Variants in TYW1B observed in about 807,000 individuals in gnomAD.
TYW1B encodes tRNA-yW synthesizing protein 1 homolog B.
TYW1B carries 73 observed loss-of-function variants against 86.9 expected under a neutral mutation model. That is an observed-to-expected ratio of 0.84 (90% CI 0.70 to 1.02). The LOEUF is 1.02. TYW1B is among the 50% of genes least tolerant of loss of function. TYW1B has a pLI of 0.00. For missense variants in TYW1B, 637 were observed against 827.4 expected (o/e 0.77, Z 2.82); for synonymous variants, 248 against 292.8 (o/e 0.85, Z 1.56).
rs782260099 is a variant in TYW1B at position 72,810,530 on chromosome 7, C to G, written c.373G>C (p.Gly125Arg). The G allele has an allele frequency of 1.1e-5, 18 of 1,613,766 alleles. No individual in the cohort carries two copies. Among genetic ancestry groups the G allele is most frequent in the Admixed American group, 1.7e-5 (1 of 59,976 alleles). ...DFRFGKTYLK[G>R]MRDAVFGLGN... ...AGGCCAAATACCGCATCTCTCATAC[C>G]CTTCAGGTAAGTTTTGCCAAATCGA... Residue 125 changes from glycine to arginine, a missense_variant, in exon 4 of 14, where the codon GGT becomes CGT. Transcript: ENST00000620995.
At chr7:72,635,974 G>A (rs1426770736) in intron 11 of TYW1B, among the ~76,000 whole-genome samples, 1 of 152,196 alleles carries the variant, frequency 6.6e-6, no homozygotes, top group Non-Finnish European at 1.5e-5. Context: ...GGGTAGCCAT[G>A]TTTCAAGTAC....
At chr7:72,745,369 G>A (rs1289985359) in intron 7 of TYW1B, among the ~76,000 whole-genome samples, 2 of 151,962 alleles carry the variant, frequency 1.3e-5, no homozygotes, top group Admixed American at 1.3e-4. Flanking sequence ...GCAAGCAGCA[G>A]GTATACAAGA....
chr7:72,747,399 C>G (rs1364390598), intron 7 of TYW1B, among the ~76,000 whole-genome samples: 1 of 152,296 alleles, frequency 6.6e-6, no homozygotes, highest in East Asian at 1.9e-4. Context: ...ACCTCTTTTT[C>G]TTCCCAGTCT....
At chr7:72,666,379 T>C (rs1335001759) in intron 11 of TYW1B, among the ~76,000 whole-genome samples, 1 of 152,094 alleles carries the variant, frequency 6.6e-6, no homozygotes, top group Admixed American at 6.6e-5. Flanking sequence ...TGAGCTGTGA[T>C]TGTGCAACTA....
At chr7:72,679,308 A>G (rs1309995383) in intron 11 of TYW1B, among the ~76,000 whole-genome samples, 3 of 152,210 alleles carry the variant, frequency 2.0e-5, no homozygotes, top group Non-Finnish European at 4.4e-5. Flanking sequence ...ATTATTGCAC[A>G]TGTGCACAAA....
chr7:72,692,382 G>A (rs1394235984), intron 11 of TYW1B, among the ~76,000 whole-genome samples: 2 of 152,008 alleles, frequency 1.3e-5, no homozygotes, highest in African/African-American at 4.8e-5. Context: ...AGGCATGGCA[G>A]CATGTGCCTG....
At chr7:72,813,742 C>G (rs1788667967) in intron 3 of TYW1B, among the ~76,000 whole-genome samples, 1 of 152,132 alleles carries the variant, frequency 6.6e-6, no homozygotes, top group Non-Finnish European at 1.5e-5. Context: ...CGCCCAGGCA[C>G]AGTGGCTCAT....
chr7:72,706,575 T>G (rs1437174133), intron 10 of TYW1B, among the ~76,000 whole-genome samples: 2 of 152,210 alleles, frequency 1.3e-5, no homozygotes, highest in African/African-American at 4.8e-5. Context: ...TCTGGGACTA[T>G]GTGGCCTCTC....
chr7:72,738,644 CTG>C lies in TYW1B; in HGVS notation c.1082+5838_1082+5839del, dbSNP rs558570749. Among the ~76,000 whole-genome samples, 104 of 152,276 alleles carry C rather than the reference CTG, an allele frequency of 6.8e-4. 1 individual carries two copies. Among genetic ancestry groups the C allele is most frequent in the Admixed American group, 5.4e-3 (82 of 15,286 alleles). On this transcript the variant is annotated intron_variant, in intron 8 of 13. Coordinates refer to ENST00000620995, the MANE Select transcript of TYW1B (RefSeq NM_001145440.3). Reference sequence around the variant, plus strand: ...AGACATTGTCAAATGTTCCAAATCTCTGTGTGGGACAAGAAATAGCAATTTTG... The same window carrying C: ...AGACATTGTCAAATGTTCCAAATCTCTGTGGGACAAGAAATAGCAATTTTG...
At chr7:72,729,964 C>T (rs748943908) in intron 8 of TYW1B, among the ~76,000 whole-genome samples, 8 of 152,114 alleles carry the variant, frequency 5.3e-5, no homozygotes, top group Non-Finnish European at 8.8e-5. Flanking sequence ...CCACAGGCAC[C>T]GATTATGGCC....
chr7:72,631,740 A>G (rs1812497487), intron 11 of TYW1B, among the ~76,000 whole-genome samples: 1 of 150,836 alleles, frequency 6.6e-6, no homozygotes, highest in South Asian at 2.1e-4. Flanking sequence ...TTACCAAAAA[A>G]TATATATATA....
At chr7:72,678,619 CTTT>C (rs56738372) in intron 11 of TYW1B, among the ~76,000 whole-genome samples, 3 of 110,432 alleles carry the variant, frequency 2.7e-5, no homozygotes, top group Non-Finnish European at 3.6e-5. Flanking sequence ...AATTCCAGCA[CTTT>C]TTTTTTTTTT....
At chr7:72,671,145 A>AT (rs1443038125) in intron 11 of TYW1B, among the ~76,000 whole-genome samples, 1 of 152,092 alleles carries the variant, frequency 6.6e-6, no homozygotes, top group African/African-American at 2.4e-5. Flanking sequence ...CTTATAGGCT[A>AT]TTTTTCCCCA....
chr7:72,826,766 C>T (rs1441930520), intron 2 of TYW1B, 89 bp downstream of exon 2: 3 of 1,497,080 alleles, frequency 2.0e-6, no homozygotes, highest in Middle Eastern at 1.8e-4. Context: ...AGACCAAACA[C>T]AAAAGTAATT....
At chr7:72,753,477 G>GC (rs1787534756) in intron 7 of TYW1B, among the ~76,000 whole-genome samples, 2 of 124,122 alleles carry the variant, frequency 1.6e-5, no homozygotes, top group Admixed American at 1.8e-4. Flanking sequence ...ATGATCATTA[G>GC]CAATTTTTTT....
chr7:72,711,236 C>CAAA (rs1786654712), intron 10 of TYW1B, among the ~76,000 whole-genome samples: 1 of 150,816 alleles, frequency 6.6e-6, no homozygotes, highest in Non-Finnish European at 1.5e-5. Flanking sequence ...ATGCCTGCCG[C>CAAA]GCAGAAAGAT....
intron 8 of TYW1B, among the ~76,000 whole-genome samples, chr7:72,729,272 C>T (rs1193385337): frequency 1.3e-5 from 2 of 152,162 alleles, no homozygotes; most frequent in Non-Finnish European, 2.9e-5. Context: ...CTGTCATCTA[C>T]GTCGACACTT....
chr7:72,818,410 C>T (rs1554479810), intron 2 of TYW1B, among the ~76,000 whole-genome samples: 1 of 151,366 alleles, frequency 6.6e-6, no homozygotes, highest in African/African-American at 2.4e-5. Flanking sequence ...GAAACCCCAT[C>T]TCTACCAAAA....
At chr7:72,711,306 C>A (rs1286781410) in intron 10 of TYW1B, among the ~76,000 whole-genome samples, 1 of 152,176 alleles carries the variant, frequency 6.6e-6, no homozygotes, top group African/African-American at 2.4e-5. Context: ...CAAAGAGACA[C>A]AGAAGCAGTC....
Sources: gnomAD v4.1 joint callset for allele counts (sites outside exome capture counted in the v4.1 genomes callset) on GRCh38, gnomAD v4.1.1 for gene constraint, MANE v1.5 for transcripts, NCBI Gene and HGNC (gene_info 2026-07-23, HGNC 2026-07-21) for gene names.